Variants in BCAS3 observed in about 807,000 individuals in gnomAD.
BCAS3 encodes the protein BCAS4/BCAS3 fusion.
BCAS3 carries 53 observed loss-of-function variants against 116.1 expected under a neutral mutation model. The ratio of observed to expected loss-of-function variants is 0.46; its 90% CI spans 0.37 to 0.57. The LOEUF (loss-of-function observed/expected upper bound fraction) is 0.57. Among genes scored for constraint, BCAS3 ranks in the 20% least tolerant of loss-of-function variants. The pLI, the probability that BCAS3 is intolerant of heterozygous loss-of-function variation, is 0.00. For missense variants in BCAS3, 917 were observed against 1,165.4 expected, an observed-to-expected ratio of 0.79 and a Z score of 3.10; for synonymous variants, 391 against 408.2, an observed-to-expected ratio of 0.96 and a Z score of 0.51.
chr17:60,889,799 T>C, intron 10 of BCAS3, 28 bp downstream of exon 10: 1 of 1,575,870 alleles, frequency 6.3e-7, no homozygotes, highest in Non-Finnish European at 8.7e-7. Context: ...TTTGGATTAT[T>C]TGTAATGGAG....
chr17:60,735,379 G>A (rs1209624687), intron 5 of BCAS3, among the ~76,000 whole-genome samples: 3 of 146,130 alleles, frequency 2.1e-5, no homozygotes, highest in African/African-American at 8.3e-5. Flanking sequence ...TCCTTACCTT[G>A]TTCCTGATCT....
intron 19 of BCAS3, among the ~76,000 whole-genome samples, chr17:61,055,227 C>T (rs1272686657): frequency 3.9e-5 from 6 of 152,272 alleles, no homozygotes; most frequent in Admixed American, 1.3e-4. Context: ...TCCATCACTA[C>T]GGTTAATTGC....
At chr17:60,924,989 C>A (rs2145161531) in intron 13 of BCAS3, among the ~76,000 whole-genome samples, 1 of 151,806 alleles carries the variant, frequency 6.6e-6, no homozygotes, top group South Asian at 2.1e-4. Context: ...TTTAATATAG[C>A]ATACAATTTG....
intron 22 of BCAS3, among the ~76,000 whole-genome samples, chr17:61,330,940 T>G (rs16945141): frequency 0.019 from 2,923 of 152,320 alleles, 90 homozygotes; most frequent in African/African-American, 0.066. Context: ...ATCTCTCTAC[T>G]AGGTCAGGTG....
chr17:60,757,719 A>T (rs1464131436), intron 6 of BCAS3, among the ~76,000 whole-genome samples: 1 of 151,536 alleles, frequency 6.6e-6, no homozygotes, highest in African/African-American at 2.4e-5. Flanking sequence ...TTGTCTGTTC[A>T]CTCTGTTAAT....
chr17:61,298,862 G>A (rs1017443527), intron 22 of BCAS3, among the ~76,000 whole-genome samples: 2 of 150,928 alleles, frequency 1.3e-5, no homozygotes, highest in Non-Finnish European at 2.9e-5. Flanking sequence ...TTGCCCTGTC[G>A]CCTAGGCTGG....
intron 7 of BCAS3, among the ~76,000 whole-genome samples, chr17:60,823,644 T>G (rs2050143175): frequency 6.6e-6 from 1 of 152,144 alleles, no homozygotes; most frequent in African/African-American, 2.4e-5. Flanking sequence ...TTAATTCTCT[T>G]TAGAGTTAGG....
chr17:61,385,631 G>A (rs1181904414), intron 23 of BCAS3, among the ~76,000 whole-genome samples: 2 of 152,330 alleles, frequency 1.3e-5, no homozygotes, highest in African/African-American at 4.8e-5. Flanking sequence ...CAGGCACTGG[G>A]CAAGCGCGGG....
intron 22 of BCAS3, among the ~76,000 whole-genome samples, chr17:61,328,645 G>A (rs1450989271): frequency 3.3e-5 from 5 of 152,126 alleles, no homozygotes; most frequent in Admixed American, 3.3e-4. Flanking sequence ...TGCGCCTGTA[G>A]TCCCAGCTAC....
intron 5 of BCAS3, among the ~76,000 whole-genome samples, chr17:60,734,429 C>T (rs1179960524): frequency 6.6e-6 from 1 of 152,194 alleles, no homozygotes; most frequent in Non-Finnish European, 1.5e-5. Flanking sequence ...TGTGCCCAGA[C>T]TCCTATATTA....
At chr17:60,930,890 C>T (rs2059612305) in intron 13 of BCAS3, among the ~76,000 whole-genome samples, 1 of 152,162 alleles carries the variant, frequency 6.6e-6, no homozygotes, top group South Asian at 2.1e-4. Flanking sequence ...ATAAAATGTA[C>T]ATGATGGAAT....
chr17:60,901,563 G>A (rs951356007), intron 10 of BCAS3, among the ~76,000 whole-genome samples: 9 of 152,086 alleles, frequency 5.9e-5, no homozygotes, highest in African/African-American at 2.2e-4. Flanking sequence ...ATGTAACAGA[G>A]ATTGCTTAAA....
At chr17:60,792,378 A>ACC (rs543057946) in intron 6 of BCAS3, among the ~76,000 whole-genome samples, 1 of 151,804 alleles carries the variant, frequency 6.6e-6, no homozygotes, top group African/African-American at 2.4e-5. Context: ...CAGTGGGTGA[A>ACC]CCCCCCGCTC....
rs942991941 is a variant in BCAS3 at position 61,326,990 on chromosome 17, A to C, written c.2426-41337A>C. On this transcript the variant is annotated intron_variant, in intron 22 of 23. Coordinates refer to ENST00000407086, the MANE Select transcript of BCAS3 (RefSeq NM_017679.5). This position sits in a 1 kb window ranked among gnomAD's most constrained non-coding sequence, Gnocchi z 5.3. ...AAAATATTTTTAAAGGAAATATAAA[A>C]GGGCAATAAAATTTTTAATTAAAAA... is the stretch of plus-strand genomic sequence containing the variant. 6.6e-6 allele frequency among the ~76,000 whole-genome samples: 1 copy of C among 152,216 alleles called. No homozygotes were observed. The highest frequency in any genetic ancestry group is 1.5e-5 in the Non-Finnish European group (1 of 68,046).
chr17:61,385,975 T>C (rs1326423376), intron 23 of BCAS3, among the ~76,000 whole-genome samples: 1 of 152,192 alleles, frequency 6.6e-6, no homozygotes, highest in Non-Finnish European at 1.5e-5. Flanking sequence ...CAGAGACACC[T>C]GCTGGGGAGG....
In BCAS3 at chr17:61,339,816, A is replaced by T. The variant is rs2057009504; in HGVS notation, c.2426-28511A>T. ...ATGAGTGGAAGAGCCAGTAAAAGAGACTGCAAAGTAGCGGCCGGAAAGATG... is the reference window on the plus strand; with the variant it reads ...ATGAGTGGAAGAGCCAGTAAAAGAGTCTGCAAAGTAGCGGCCGGAAAGATG... On this transcript the variant is annotated intron_variant, in intron 22 of 23. Transcript: ENST00000407086. The surrounding 1 kb of genome is among the most constrained non-coding windows in gnomAD (Gnocchi z 4.4). 6.6e-6 allele frequency among the ~76,000 whole-genome samples: 1 copy of T among 151,574 alleles called. No individual in the cohort carries two copies. Among genetic ancestry groups the T allele is most frequent in the East Asian group, 1.9e-4 (1 of 5,170 alleles).
intron 22 of BCAS3, among the ~76,000 whole-genome samples, chr17:61,241,000 G>T (rs544237718): frequency 1.1e-4 from 16 of 152,212 alleles, no homozygotes; most frequent in African/African-American, 3.9e-4. Flanking sequence ...CTCTTGTTTG[G>T]GCATGACAGG....
At position 61,106,462 on chromosome 17, in the gene BCAS3, G is replaced by A. The variant is rs1034234277; in HGVS notation, c.2425+21898G>A. 6.6e-6 allele frequency among the ~76,000 whole-genome samples: 1 copy of A among 152,132 alleles called. No homozygotes were observed. Among genetic ancestry groups the A allele is most frequent in the African/African-American group, 2.4e-5 (1 of 41,418 alleles). ...AAAGAGGTTATAGCATATAGCTTAG[G>A]TGTGTTGTAGGCTATTCTATCTAGG... is the stretch of plus-strand genomic sequence containing the variant. On this transcript the variant is annotated intron_variant, in intron 22 of 23. Transcript: ENST00000407086. This position sits in a 1 kb window ranked among gnomAD's most constrained non-coding sequence, Gnocchi z 4.2.
chr17:61,387,703 C>T lies in BCAS3; in HGVS notation c.2594-4274C>T, dbSNP rs1006254626. On this transcript the variant is annotated intron_variant, in intron 23 of 23. Transcript: ENST00000407086. This position sits in a 1 kb window ranked among gnomAD's most constrained non-coding sequence, Gnocchi z 6.2. Reference sequence around the variant, plus strand: ...TGGCTCTCCAGCATGGGCATGGGGGCCGGTCTTAGTGATGCCGGAGCTGCC... The same window carrying T: ...TGGCTCTCCAGCATGGGCATGGGGGTCGGTCTTAGTGATGCCGGAGCTGCC... 1.3e-5 allele frequency among the ~76,000 whole-genome samples: 2 copies of T among 152,194 alleles called. No homozygotes were observed. Among genetic ancestry groups the T allele is most frequent in the African/African-American group, 2.4e-5 (1 of 41,438 alleles).
Sources: allele counts gnomAD v4.1 joint callset (sites outside exome capture counted in the v4.1 genomes callset), GRCh38; gene constraint gnomAD v4.1.1; non-coding constraint Gnocchi (gnomAD v3.1); transcripts MANE v1.5; gene names NCBI Gene and HGNC (gene_info 2026-07-23, HGNC 2026-07-21).